HDAC9: variants seen among roughly 807,000 people sequenced by gnomAD.
HDAC9 encodes the protein MEF-2 interacting transcription repressor (MITR) protein.
In HDAC9, 41 loss-of-function variants were observed where a neutral mutation model predicts 139.4. The ratio of observed to expected loss-of-function variants is 0.29; its 90% CI spans 0.23 to 0.38. The LOEUF (loss-of-function observed/expected upper bound fraction) is 0.38, where lower values mean the gene tolerates loss of function less well. HDAC9 is among the 10% of genes least tolerant of loss of function. HDAC9 has a pLI of 1.00. For synonymous variants in HDAC9, 517 were observed against 476.2 expected (o/e 1.09, Z -1.12); for missense variants, 1,147 against 1,297.0 (o/e 0.88, Z 1.78).
At chr7:18,624,520 G>T (rs765142570) in intron 6 of HDAC9, among the ~76,000 whole-genome samples, 3 of 152,128 alleles carry the variant, frequency 2.0e-5, no homozygotes, top group Admixed American at 2.0e-4. Flanking sequence ...AATGATGGGT[G>T]TGGGGTAAAA....
At chr7:18,500,470 C>T (rs1384184857) in intron 2 of HDAC9, among the ~76,000 whole-genome samples, 2 of 152,124 alleles carry the variant, frequency 1.3e-5, no homozygotes, top group African/African-American at 2.4e-5. Context: ...AAAATGGATG[C>T]AGAGGTTCTT....
chr7:18,810,814 G>T (rs114300193), intron 17 of HDAC9, among the ~76,000 whole-genome samples: 1 of 151,726 alleles, frequency 6.6e-6, no homozygotes, highest in African/African-American at 2.4e-5. Context: ...AAATGTTTAC[G>T]TGATACATCC....
At chr7:18,155,308 A>G (rs1787107640) in intron 1 of HDAC9, among the ~76,000 whole-genome samples, 1 of 152,122 alleles carries the variant, frequency 6.6e-6, no homozygotes, top group Admixed American at 6.6e-5. Flanking sequence ...GATCTTTATG[A>G]TGTAGAGGCA....
chr7:18,395,631 A>G (rs888943331), intron 1 of HDAC9, among the ~76,000 whole-genome samples: 4 of 151,484 alleles, frequency 2.6e-5, no homozygotes, highest in Admixed American at 2.6e-4. Flanking sequence ...TTTTCCTGAG[A>G]TTGGATTTCT....
At chr7:18,805,226 A>C (rs1171029969) in intron 17 of HDAC9, among the ~76,000 whole-genome samples, 3 of 152,232 alleles carry the variant, frequency 2.0e-5, no homozygotes, top group Admixed American at 2.0e-4. Context: ...ACTCATGTCC[A>C]CAAACAGGAG....
chr7:18,707,357 G>C (rs191287762), intron 12 of HDAC9, among the ~76,000 whole-genome samples: 3 of 152,210 alleles, frequency 2.0e-5, no homozygotes, highest in Admixed American at 2.0e-4. Context: ...GTCCTAAGCA[G>C]AGAAGTCAAT....
chr7:18,878,251 C>G (rs1236504193), intron 22 of HDAC9, among the ~76,000 whole-genome samples: 1 of 152,042 alleles, frequency 6.6e-6, no homozygotes, highest in African/African-American at 2.4e-5. Context: ...ATTTTTTCTT[C>G]CCTTTCAACA....
At chr7:18,441,893 G>A (rs1344148674) in intron 1 of HDAC9, among the ~76,000 whole-genome samples, 2 of 151,968 alleles carry the variant, frequency 1.3e-5, no homozygotes, top group Non-Finnish European at 2.9e-5. Context: ...TCAGCCTCCC[G>A]AGTAGCTGGG....
intron 1 of HDAC9, among the ~76,000 whole-genome samples, chr7:18,434,393 CAT>C (rs1331516025): frequency 6.6e-6 from 1 of 152,140 alleles, no homozygotes; most frequent in Non-Finnish European, 1.5e-5. Flanking sequence ...CAAAAACAAA[CAT>C]TGACAAATGG....
chr7:18,900,095 G>T (rs1479050429), intron 22 of HDAC9, among the ~76,000 whole-genome samples: 1 of 151,756 alleles, frequency 6.6e-6, no homozygotes, highest in African/African-American at 2.4e-5. Context: ...CATTCCAGAG[G>T]TTTTTTTCCC....
chr7:18,626,641 A>G (rs545815224), intron 6 of HDAC9, among the ~76,000 whole-genome samples: 27 of 152,198 alleles, frequency 1.8e-4, no homozygotes, highest in Admixed American at 7.2e-4. Flanking sequence ...GGTGGTAGAT[A>G]CAAGACTAAA....
intron 22 of HDAC9, among the ~76,000 whole-genome samples, chr7:18,883,848 GAATAT>G (rs1799921269): frequency 6.6e-6 from 1 of 151,946 alleles, no homozygotes; most frequent in African/African-American, 2.4e-5. Context: ...TAAACTTGCA[GAATAT>G]AATATTAACA....
chr7:18,133,540 A>T (rs1181197218), intron 1 of HDAC9, among the ~76,000 whole-genome samples: 3 of 152,130 alleles, frequency 2.0e-5, no homozygotes, highest in African/African-American at 7.2e-5. Context: ...CCTGGTTATT[A>T]TCCCTGGGCT....
intron 2 of HDAC9, among the ~76,000 whole-genome samples, chr7:18,191,878 A>G (rs375540199): frequency 1.3e-5 from 2 of 152,244 alleles, no homozygotes; most frequent in African/African-American, 4.8e-5. Context: ...GCATTTTGAA[A>G]TCATTGACAA....
At chr7:18,246,612 G>A (rs916327232) in intron 2 of HDAC9, among the ~76,000 whole-genome samples, 30 of 152,166 alleles carry the variant, frequency 2.0e-4, no homozygotes, top group African/African-American at 6.7e-4. Context: ...CATGTGGGCT[G>A]GAGTCTAGTA....
intron 1 of HDAC9, among the ~76,000 whole-genome samples, chr7:18,089,343 A>G (rs974227491): frequency 6.1e-4 from 93 of 152,336 alleles, no homozygotes; most frequent in African/African-American, 2.1e-3. Flanking sequence ...TCTTTTGTAG[A>G]AATAATGATG....
intron 2 of HDAC9, among the ~76,000 whole-genome samples, chr7:18,222,395 G>A (rs1562764635): frequency 6.6e-6 from 1 of 152,128 alleles, no homozygotes; most frequent in East Asian, 1.9e-4. Flanking sequence ...AGGGCAGGTA[G>A]CTGTTAGCTT....
Position 18,151,054 on chromosome 7 carries a change from C to CAT in HDAC9, c.-96-11166_-96-11165dup, listed in dbSNP as rs964681736. On this transcript the variant is annotated intron_variant, in intron 1 of 12. Transcript: ENST00000417496. ...CTGTCTCAGTCTATTTTAATACATGCATATATATATGCATTTTTTTTTTGC... is the reference window on the plus strand; with the variant it reads ...CTGTCTCAGTCTATTTTAATACATGCATATATATATATGCATTTTTTTTTTGC... Among the ~76,000 whole-genome samples the CAT allele has an allele frequency of 6.6e-4, 101 of 151,984 alleles. 1 individual carries two copies. Among genetic ancestry groups the CAT allele is most frequent in the African/African-American group, 1.8e-3 (75 of 41,424 alleles).
At chr7:18,831,604 C>G (rs1356757853) in intron 19 of HDAC9, among the ~76,000 whole-genome samples, 2 of 152,016 alleles carry the variant, frequency 1.3e-5, no homozygotes, top group African/African-American at 4.8e-5. Flanking sequence ...CACCACCAGC[C>G]CACATATTCT....
Sources: allele counts gnomAD v4.1 joint callset (sites outside exome capture counted in the v4.1 genomes callset), GRCh38; gene constraint gnomAD v4.1.1; transcripts MANE v1.5; gene names NCBI Gene and HGNC (gene_info 2026-07-23, HGNC 2026-07-21).